PHF14: variants seen among roughly 807,000 people sequenced by gnomAD.
The protein encoded by PHF14 is PHD finger protein 14.
Under a neutral mutation model 117.9 loss-of-function variants are expected in PHF14, and 55 were observed. The ratio of observed to expected loss-of-function variants is 0.47; its 90% CI spans 0.38 to 0.58. The LOEUF is 0.58. Among genes scored for constraint, PHF14 ranks in the 20% least tolerant of loss-of-function variants. The probability of loss-of-function intolerance (pLI) is 0.00; values close to 1 mark genes in which losing one functional copy is unlikely to be tolerated. For synonymous variants in PHF14, 409 were observed against 368.6 expected (o/e 1.11, Z -1.26); for missense variants, 978 against 1,122.2 (o/e 0.87, Z 1.84).
intron 7 of PHF14, among the ~76,000 whole-genome samples, chr7:11,034,618 G>A (rs1784250518): frequency 1.5e-5 from 2 of 132,994 alleles, no homozygotes; most frequent in South Asian, 2.3e-4. Context: ...GCGCGATCTC[G>A]GTTAATTACA....
chr7:11,003,915 T>C (rs1027431484), intron 4 of PHF14, among the ~76,000 whole-genome samples: 2 of 152,170 alleles, frequency 1.3e-5, no homozygotes, highest in African/African-American at 4.8e-5. Flanking sequence ...TATGTAGATA[T>C]ATGTCCTCTG....
At chr7:11,032,710 A>T (rs542043029) in intron 7 of PHF14, among the ~76,000 whole-genome samples, 4 of 152,070 alleles carry the variant, frequency 2.6e-5, no homozygotes, top group Admixed American at 6.5e-5. Flanking sequence ...CTCATCATTC[A>T]TTTTTGTCTT....
Position 10,982,864 on chromosome 7 carries a change from A to G in PHF14, c.605A>G (p.Asp202Gly), listed in dbSNP as rs1782089734. The stretch of plus-strand genomic sequence containing the variant: ...TTTGTGTCCATGGAAGAGCTGAATG[A>G]CATGGATGACTATGACAGTGAGGAT... ...LDFVSMEELN[D>G]MDDYDSEDDN... The change falls in exon 3 of 18, where the codon GAC becomes GGC. Residue 202 changes from aspartate (D) to glycine (G), a missense_variant. Physicochemically the swap from Asp to Gly is moderately conservative, Grantham distance 94 (BLOSUM62 -1). Around this residue, in one of 7 missense-constraint regions of PHF14, gnomAD observed 414 missense variants for 376.4 expected, o/e 1.10. Transcript: ENST00000634607. 6.2e-7 allele frequency: 1 copy of G among 1,613,618 alleles called. No individual in the cohort carries two copies. Among genetic ancestry groups the G allele is most frequent in the Non-Finnish European group, 8.5e-7 (1 of 1,179,708 alleles).
At chr7:10,977,384 G>A (rs190637510) in intron 2 of PHF14, among the ~76,000 whole-genome samples, 131 of 152,158 alleles carry the variant, frequency 8.6e-4, no homozygotes, top group Admixed American at 2.9e-3. Flanking sequence ...ACTGGATTCC[G>A]TGGATCAATT....
chr7:11,094,489 T>A (rs1786771352), intron 16 of PHF14, among the ~76,000 whole-genome samples: 1 of 152,194 alleles, frequency 6.6e-6, no homozygotes, highest in Non-Finnish European at 1.5e-5. Flanking sequence ...AGCTCTTTCC[T>A]GTGATTATAT....
intron 13 of PHF14, among the ~76,000 whole-genome samples, chr7:11,046,521 T>C (rs1258637004): frequency 6.6e-6 from 1 of 152,232 alleles, no homozygotes; most frequent in Non-Finnish European, 1.5e-5. Flanking sequence ...TTTTTCTTGA[T>C]AATTTGTTCA....
At chr7:11,104,684 C>G (rs1787199079) in intron 16 of PHF14, 7 of 932,512 alleles carry the variant, frequency 7.5e-6, no homozygotes, top group Non-Finnish European at 9.0e-6. Context: ...ATTGGAATCA[C>G]AGGAAGGATT....
At chr7:11,029,782 G>C (rs577171493) in intron 7 of PHF14, among the ~76,000 whole-genome samples, 1 of 152,010 alleles carries the variant, frequency 6.6e-6, no homozygotes, top group Non-Finnish European at 1.5e-5. Context: ...ACATAGTAAT[G>C]AATGTTTATT....
intron 16 of PHF14, chr7:11,106,576 T>C: frequency 2.0e-6 from 2 of 984,330 alleles, no homozygotes; most frequent in Non-Finnish European, 2.4e-6. Context: ...ATTTAACTCA[T>C]TGACCACAAT....
chr7:10,995,383 C>T (rs549997740), intron 4 of PHF14, among the ~76,000 whole-genome samples: 112 of 152,326 alleles, frequency 7.4e-4, no homozygotes, highest in African/African-American at 2.6e-3. Flanking sequence ...GGTGTATTTA[C>T]AAACCTTGAG....
intron 16 of PHF14, 76 bp from the exon 17 acceptor site, chr7:11,111,270 TTGTC>T: frequency 9.5e-6 from 6 of 631,312 alleles, no homozygotes; most frequent in Non-Finnish European, 1.7e-5. Flanking sequence ...ATACAATAGT[TTGTC>T]TTTTTGTCTT....
chr7:11,122,352 T>TATATACACACACACACAC lies in PHF14; in HGVS notation c.2772+10886_2772+10887insTATACACACACACACACA. Among the ~76,000 whole-genome samples the TATATACACACACACACAC allele has an allele frequency of 1.1e-4, 7 of 65,872 alleles. No homozygotes were observed. The East Asian group carries it at 4.1e-3, about 39-fold the overall frequency. The allele number at this position is 65,872 out of a possible 152,430, so 43.2% of individuals were successfully genotyped here. A position where few individuals can be genotyped will look rare whatever the true frequency, so the allele number is the denominator to read the frequency against. ...CTTTTTATATATATATATATATATA[T>TATATACACACACACACAC]ACACACACACACACACACACACACA... On this transcript the variant is annotated intron_variant, in intron 17 of 17. Transcript: ENST00000634607.
intron 17 of PHF14, among the ~76,000 whole-genome samples, chr7:11,150,972 A>G (rs1425495519): frequency 6.6e-6 from 1 of 152,224 alleles, no homozygotes; most frequent in East Asian, 1.9e-4. Flanking sequence ...CTACTTTAAA[A>G]GAAAAGTAAA....
At chr7:11,114,079 T>C (rs994549973) in intron 17 of PHF14, among the ~76,000 whole-genome samples, 2 of 152,166 alleles carry the variant, frequency 1.3e-5, no homozygotes, top group African/African-American at 4.8e-5. Context: ...GAAATACTTA[T>C]TGCCATAAGA....
At chr7:11,055,907 T>TTACTG (rs1785000470) in intron 14 of PHF14, among the ~76,000 whole-genome samples, 1 of 152,188 alleles carries the variant, frequency 6.6e-6, no homozygotes, top group Admixed American at 6.5e-5. Flanking sequence ...TGACTAAAGG[T>TTACTG]TACTGTACAT....
intron 16 of PHF14, among the ~76,000 whole-genome samples, chr7:11,076,195 G>A (rs1184454647): frequency 2.0e-5 from 3 of 152,174 alleles, no homozygotes; most frequent in Admixed American, 1.3e-4. Flanking sequence ...AGAGTCCATG[G>A]TTTTAACCTC....
chr7:11,121,053 A>C (rs1787738346), intron 17 of PHF14, among the ~76,000 whole-genome samples: 1 of 152,194 alleles, frequency 6.6e-6, no homozygotes, highest in Non-Finnish European at 1.5e-5. Flanking sequence ...CAAACCACTG[A>C]AGACAGTTGT....
intron 11 of PHF14, among the ~76,000 whole-genome samples, chr7:11,040,273 T>G (rs1347564196): frequency 6.6e-6 from 1 of 152,086 alleles, no homozygotes; most frequent in Non-Finnish European, 1.5e-5. Flanking sequence ...TTTGGTCCAA[T>G]AAGATAATTT....
rs1380701783 is a variant in PHF14, at chr7:11,001,688, G to A, written c.1045+10841G>A. Among the ~76,000 whole-genome samples the A allele has an allele frequency of 2.6e-5, 4 of 152,050 alleles. No individual in the cohort carries two copies. The East Asian group carries it at 7.7e-4, about 29-fold the overall frequency. On this transcript the variant is annotated intron_variant, in intron 4 of 17. Transcript: ENST00000634607. ...TTCTACTTGTTCATTGCTTTCATAA[G>A]AAAGCAATTGGCTTTTGTATATTAA...
Sources: allele counts gnomAD v4.1 joint callset (sites outside exome capture counted in the v4.1 genomes callset), GRCh38; gene constraint gnomAD v4.1.1; regional missense constraint gnomAD v4.1.1; transcripts MANE v1.5; gene names NCBI Gene and HGNC (gene_info 2026-07-23, HGNC 2026-07-21).